VPS50: variants seen among roughly 807,000 people sequenced by gnomAD.
VPS50 encodes the protein VPS50 subunit of EARP/GARPII complex, also known as syndetin.
VPS50 carries 70 observed loss-of-function variants against 139.7 expected under a neutral mutation model. That is an observed-to-expected ratio of 0.50 (90% CI 0.41 to 0.61). The LOEUF (loss-of-function observed/expected upper bound fraction) is 0.61, where lower values mean the gene tolerates loss of function less well. Among genes scored for constraint, VPS50 ranks in the 20% least tolerant of loss-of-function variants. VPS50 has a pLI of 0.00. For missense variants in VPS50, 921 were observed against 1,133.7 expected (o/e 0.81, Z 2.69); for synonymous variants, 365 against 376.7 (o/e 0.97, Z 0.36).
At chr7:93,309,851 AT>A (rs1226278027) in intron 19 of VPS50, among the ~76,000 whole-genome samples, 1 of 151,950 alleles carries the variant, frequency 6.6e-6, no homozygotes, top group Non-Finnish European at 1.5e-5. Flanking sequence ...TTAATGATAG[AT>A]TTCTTAATGA....
chr7:93,325,951 A>G (rs2117027286), intron 21 of VPS50, among the ~76,000 whole-genome samples: 1 of 151,738 alleles, frequency 6.6e-6, no homozygotes, highest in South Asian at 2.1e-4. Context: ...TACTGGGTAT[A>G]TACCCAAAGG....
chr7:93,308,188 A>G lies in VPS50; in HGVS notation c.1630-636A>G, dbSNP rs1221631843. 2.6e-5 allele frequency among the ~76,000 whole-genome samples: 4 copies of G among 151,840 alleles called. No homozygotes were observed. The East Asian group carries it at 7.7e-4, about 29-fold the overall frequency. ...TGTCACTGCTTCCTTTACTGTGTGC[A>G]TGAATTCCACTGTCTTTCCCATGCT... On this transcript the variant is annotated intron_variant, in intron 18 of 27. Coordinates refer to ENST00000305866, the MANE Select transcript of VPS50 (RefSeq NM_017667.4).
intron 22 of VPS50, 131 bp from the exon 23 acceptor site, chr7:93,341,296 A>G: frequency 1.7e-6 from 1 of 596,704 alleles, no homozygotes; most frequent in Non-Finnish European, 2.9e-6. Context: ...GCAGGATAAA[A>G]AGAACTGAAC....
At chr7:93,240,340 C>T (rs765624602) in intron 2 of VPS50, among the ~76,000 whole-genome samples, 1 of 151,784 alleles carries the variant, frequency 6.6e-6, no homozygotes, top group Non-Finnish European at 1.5e-5. Context: ...ATACTCCTAA[C>T]ATTCTGTGCC....
intron 5 of VPS50, 126 bp downstream of exon 5, chr7:93,256,688 T>C (rs1795492878): frequency 3.5e-6 from 2 of 574,596 alleles, no homozygotes; most frequent in Non-Finnish European, 6.0e-6. Flanking sequence ...TGTTTTTGGG[T>C]GTGTTTGTGT....
At chr7:93,237,020 G>T (rs1215610259) in intron 1 of VPS50, among the ~76,000 whole-genome samples, 1 of 129,498 alleles carries the variant, frequency 7.7e-6, no homozygotes, top group African/African-American at 2.9e-5. Context: ...GAGCGATCTC[G>T]GCTCACTGCA....
At chr7:93,297,393 T>C in intron 16 of VPS50, 150 bp downstream of exon 16, 1 of 823,972 alleles carries the variant, frequency 1.2e-6, no homozygotes, top group Non-Finnish European at 1.7e-6. Context: ...AGGATTTTTT[T>C]AACCAAAATA....
At chr7:93,345,683 C>A (rs1798370093) in intron 23 of VPS50, among the ~76,000 whole-genome samples, 1 of 152,152 alleles carries the variant, frequency 6.6e-6, no homozygotes, top group African/African-American at 2.4e-5. Flanking sequence ...ATACACAAAT[C>A]AATAAATGTA....
intron 23 of VPS50, among the ~76,000 whole-genome samples, chr7:93,344,185 C>T (rs1309440113): frequency 6.6e-6 from 1 of 152,134 alleles, no homozygotes; most frequent in African/African-American, 2.4e-5. Context: ...CAATCCTAGT[C>T]TCTGATAAAA....
At chr7:93,262,736 G>GA in intron 9 of VPS50, among the ~76,000 whole-genome samples, 1 of 152,292 alleles carries the variant, frequency 6.6e-6, no homozygotes, top group African/African-American at 2.4e-5. Context: ...GCTGTCTGGT[G>GA]GTGATGATAG....
intron 14 of VPS50, 140 bp from the exon 15 acceptor site, chr7:93,296,602 A>T: frequency 7.1e-7 from 1 of 1,406,872 alleles, no homozygotes. Flanking sequence ...GATGTTGGCT[A>T]TTGGCCTAAA....
chr7:93,314,525 G>A (rs1251272597), intron 20 of VPS50, among the ~76,000 whole-genome samples: 1 of 152,134 alleles, frequency 6.6e-6, no homozygotes, highest in African/African-American at 2.4e-5. Flanking sequence ...TGTCTCATCA[G>A]TGAAATAGCC....
chr7:93,246,214 C>A (rs989878825), intron 2 of VPS50: 14 of 906,556 alleles, frequency 1.5e-5, no homozygotes, highest in Non-Finnish European at 1.7e-5. Context: ...AAAAAAAAGT[C>A]TTTGATCAAA....
rs201874317 is a variant in VPS50 at position 93,252,790 on chromosome 7, A to G, written c.225+15A>G. 5.7e-5 allele frequency: 89 copies of G among 1,570,960 alleles called. No homozygotes were observed. Among genetic ancestry groups the G allele is most frequent in the Admixed American group, 7.8e-5 (4 of 51,560 alleles). ...ATGAGCTGGAGGTAAACAGAATTTC[A>G]TTAAAACATAACTAAGGCCTGTTTT... is the stretch of plus-strand genomic sequence containing the variant. On this transcript the variant is annotated intron_variant, in intron 3 of 27. Transcript: ENST00000305866.
rs577751328 is a variant in VPS50 at position 93,360,247 on chromosome 7, A to G, written c.*1811A>G. 5.1e-4 allele frequency: 77 copies of G among 152,202 alleles called. No individual in the cohort carries two copies. The highest frequency in any genetic ancestry group is 1.9e-3 in the African/African-American group (77 of 41,536). The allele number at this position is 152,202 out of a possible 1,614,324, so 9.4% of individuals were successfully genotyped here. ...TGAACAGGAATCACCTGCCTGGTAG[A>G]GCCCAGTGTTTTCCAAGGTAATAGG... is the stretch of plus-strand genomic sequence containing the variant. On this transcript the variant is annotated 3_prime_UTR_variant, in exon 28 of 28. Coordinates refer to ENST00000305866, the MANE Select transcript of VPS50 (RefSeq NM_017667.4).
chr7:93,260,879 A>G (rs1431017430), intron 9 of VPS50, among the ~76,000 whole-genome samples: 1 of 152,104 alleles, frequency 6.6e-6, no homozygotes, highest in Non-Finnish European at 1.5e-5. Context: ...TATTTTTAGT[A>G]GAGATGGGGT....
At position 93,239,811 on chromosome 7, in the gene VPS50, CT is replaced by C. The variant is rs1584374479; in HGVS notation, c.34-51del. The C allele has an allele frequency of 6.2e-5, 64 of 1,033,176 alleles. No individual in the cohort carries two copies. In the East Asian group the frequency reaches 1.4e-3, roughly 23 times the overall value. The allele number at this position is 1,033,176 out of a possible 1,614,324, so 64.0% of individuals were successfully genotyped here. On this transcript the variant is annotated intron_variant, in intron 1 of 27. Transcript: ENST00000305866. ...TCTGTTTCAGTAGGTGTATTCTATC[CT>C]TTTATAATTCTTCAGCATGATTAAA...
chr7:93,309,047 C>G (rs564195672), intron 19 of VPS50, 105 bp downstream of exon 19: 1 of 497,070 alleles, frequency 2.0e-6, no homozygotes, highest in African/African-American at 2.0e-5. Context: ...TTTTTTGGTA[C>G]TTATAATGTC....
At chr7:93,312,687 C>G (rs1797305653) in intron 20 of VPS50, among the ~76,000 whole-genome samples, 1 of 151,682 alleles carries the variant, frequency 6.6e-6, no homozygotes, top group Non-Finnish European at 1.5e-5. Context: ...TCTTCTATTT[C>G]CTCTATCTTC....
Sources: allele counts gnomAD v4.1 joint callset (sites outside exome capture counted in the v4.1 genomes callset), GRCh38; gene constraint gnomAD v4.1.1; transcripts MANE v1.5; gene names NCBI Gene and HGNC (gene_info 2026-07-23, HGNC 2026-07-21).